The following TMEM232 variants were observed in gnomAD, a reference collection of about 807,000 sequenced individuals.
TMEM232 encodes transmembrane protein 232.
Under a neutral mutation model 78.8 loss-of-function variants are expected in TMEM232, and 80 were observed. The ratio of observed to expected loss-of-function variants is 1.01; its 90% CI spans 0.85 to 1.22. The LOEUF (loss-of-function observed/expected upper bound fraction) is 1.22, where lower values mean the gene tolerates loss of function less well. Ranked by LOEUF, TMEM232 falls within the 50% of genes most tolerant of loss-of-function variation. TMEM232 has a pLI of 0.00. For missense variants in TMEM232, 881 were observed against 742.2 expected, an observed-to-expected ratio of 1.19 and a Z score of -2.17; for synonymous variants, 297 against 254.3, an observed-to-expected ratio of 1.17 and a Z score of -1.60.
chr5:110,708,574 C>A (rs145330776), intron 1 of TMEM232, among the ~76,000 whole-genome samples: 145 of 114,732 alleles, frequency 1.3e-3, no homozygotes, highest in African/African-American at 4.7e-3. Context: ...AGTTAAAAAA[C>A]AGGTGGATGA....
At chr5:110,601,303 G>C (rs1780860437) in intron 10 of TMEM232, among the ~76,000 whole-genome samples, 1 of 152,090 alleles carries the variant, frequency 6.6e-6, no homozygotes, top group African/African-American at 2.4e-5. Flanking sequence ...TCTGGCCAGG[G>C]AAATCAGGCA....
chr5:110,411,922 G>A (rs1418956030), intron 2 of TMEM232, among the ~76,000 whole-genome samples: 1 of 152,052 alleles, frequency 6.6e-6, no homozygotes, highest in Non-Finnish European at 1.5e-5. Flanking sequence ...TTTGAGTACT[G>A]TAATATCTAA....
chr5:110,485,983 T>C (rs190516400), intron 12 of TMEM232, among the ~76,000 whole-genome samples: 67 of 152,042 alleles, frequency 4.4e-4, no homozygotes, highest in Middle Eastern at 3.4e-3. Flanking sequence ...ATATCTACTG[T>C]TTTTCAATTT....
intron 10 of TMEM232, among the ~76,000 whole-genome samples, chr5:110,603,546 A>G (rs1202639096): frequency 6.6e-6 from 1 of 152,196 alleles, no homozygotes; most frequent in Non-Finnish European, 1.5e-5. Context: ...CCAAAATTGT[A>G]GATGAGTCTG....
intron 11 of TMEM232, among the ~76,000 whole-genome samples, chr5:110,557,203 G>A (rs781574738): frequency 6.6e-6 from 1 of 152,116 alleles, no homozygotes; most frequent in African/African-American, 2.4e-5. Flanking sequence ...TTTTTCTAGT[G>A]AGTATCTCAG....
chr5:110,615,248 TG>T (rs1307134274), intron 8 of TMEM232, among the ~76,000 whole-genome samples: 14 of 152,116 alleles, frequency 9.2e-5, no homozygotes, highest in African/African-American at 3.1e-4. Flanking sequence ...GGTCTACAGT[TG>T]ATTCTGAGGG....
intron 12 of TMEM232, among the ~76,000 whole-genome samples, chr5:110,469,105 G>A (rs370012469): frequency 1.1e-4 from 16 of 152,274 alleles, no homozygotes; most frequent in African/African-American, 3.6e-4. Context: ...ATCCTCATGA[G>A]AATGAAGTCC....
chr5:110,650,053 T>C (rs1788081265), intron 2 of TMEM232, among the ~76,000 whole-genome samples: 1 of 152,144 alleles, frequency 6.6e-6, no homozygotes, highest in African/African-American at 2.4e-5. Flanking sequence ...TGGTACATGC[T>C]AAATATTTAA....
At chr5:110,524,156 G>A (rs1430513170) in intron 12 of TMEM232, among the ~76,000 whole-genome samples, 15 of 150,522 alleles carry the variant, frequency 1.0e-4, no homozygotes, top group Admixed American at 4.0e-4. Context: ...CCAGCTATTC[G>A]GGAGGCTGAG....
rs1446800990 is a variant in TMEM232 at position 110,635,475 on chromosome 5, GATAATAC to G, written c.501+2716_501+2722del. On this transcript the variant is annotated intron_variant, in intron 5 of 13. Coordinates refer to ENST00000455884, the MANE Select transcript of TMEM232 (RefSeq NM_001039763.4). ...ACTGAATCCAACAGCACATCAAAAA[GATAATAC>G]AACACGATCAAATTGGATTTATACC... Among the ~76,000 whole-genome samples, 5 of 151,950 alleles carry G rather than the reference GATAATAC, an allele frequency of 3.3e-5. No individual in the cohort carries two copies. In the South Asian group the frequency reaches 8.3e-4, roughly 25 times the overall value.
chr5:110,613,761 A>C (rs1782590765), intron 8 of TMEM232, among the ~76,000 whole-genome samples: 1 of 152,144 alleles, frequency 6.6e-6, no homozygotes, highest in Non-Finnish European at 1.5e-5. Flanking sequence ...GATTCTCTAG[A>C]AATATAAAAT....
At chr5:110,542,063 G>C (rs1162538299) in intron 11 of TMEM232, among the ~76,000 whole-genome samples, 2 of 152,146 alleles carry the variant, frequency 1.3e-5, no homozygotes. Context: ...CAAGGATCAT[G>C]TCTGCGATAC....
chr5:110,508,042 A>G (rs1369964331), intron 12 of TMEM232, among the ~76,000 whole-genome samples: 1 of 152,220 alleles, frequency 6.6e-6, no homozygotes, highest in Non-Finnish European at 1.5e-5. Context: ...GCTTGCTTAC[A>G]TAAATGGTTT....
At chr5:110,435,044 C>T (rs1465879501) in intron 12 of TMEM232, among the ~76,000 whole-genome samples, 1 of 151,840 alleles carries the variant, frequency 6.6e-6, no homozygotes, top group Non-Finnish European at 1.5e-5. Flanking sequence ...CCACTCTCAG[C>T]ACTCCGATTC....
Position 110,447,835 on chromosome 5 carries a change from A to G in TMEM232, c.1704-22919T>C, listed in dbSNP as rs160522. On this transcript the variant is annotated intron_variant, in intron 12 of 13. Coordinates refer to ENST00000455884, the MANE Select transcript of TMEM232 (RefSeq NM_001039763.4). ...CATAAATCAGTGATATGGATTGCCA[A>G]TTCAAGATAATCTCCAAAGCTCAGA... Among the ~76,000 whole-genome samples the G allele has an allele frequency of 2.8e-3, 428 of 152,206 alleles. 1 individual carries two copies. Among genetic ancestry groups the G allele is most frequent in the African/African-American group, 1.0e-2 (414 of 41,558 alleles).
chr5:110,403,753 A>G (rs1158274026), intron 2 of TMEM232, among the ~76,000 whole-genome samples: 2 of 151,996 alleles, frequency 1.3e-5, no homozygotes, highest in African/African-American at 4.8e-5. Flanking sequence ...TCAGTAAGCC[A>G]GAAATATTCA....
chr5:110,518,408 T>A (rs1419690950), intron 12 of TMEM232, among the ~76,000 whole-genome samples: 1 of 152,186 alleles, frequency 6.6e-6, no homozygotes, highest in Non-Finnish European at 1.5e-5. Context: ...ATACACAGAA[T>A]GCATCTGGAG....
intron 12 of TMEM232, among the ~76,000 whole-genome samples, chr5:110,491,220 A>C (rs1765055698): frequency 6.6e-6 from 1 of 152,024 alleles, no homozygotes; most frequent in Non-Finnish European, 1.5e-5. Flanking sequence ...ACATAAAAAG[A>C]CATTCAACAT....
At chr5:110,607,828 C>A (rs1781702247) in intron 8 of TMEM232, among the ~76,000 whole-genome samples, 1 of 151,828 alleles carries the variant, frequency 6.6e-6, no homozygotes, top group African/African-American at 2.4e-5. Flanking sequence ...CTTCCTCCTG[C>A]TTGTAATGCA....
Sources: allele counts gnomAD v4.1 joint callset (sites outside exome capture counted in the v4.1 genomes callset), GRCh38; gene constraint gnomAD v4.1.1; transcripts MANE v1.5; gene names NCBI Gene and HGNC (gene_info 2026-07-23, HGNC 2026-07-21).